Variants in PPARGC1B observed in about 807,000 individuals in gnomAD.
The protein encoded by PPARGC1B is PPARG coactivator 1 beta, also known as peroxisome proliferator-activated receptor gamma coactivator 1-beta.
Under a neutral mutation model 101.6 loss-of-function variants are expected in PPARGC1B, and 34 were observed. That is an observed-to-expected ratio of 0.33 (90% confidence interval 0.25 to 0.45). The LOEUF is 0.45. PPARGC1B is among the 20% of genes least tolerant of loss of function. The probability of loss-of-function intolerance (pLI) is 1.00; values close to 1 mark genes in which losing one functional copy is unlikely to be tolerated. For synonymous variants in PPARGC1B, 548 were observed against 539.3 expected (o/e 1.02, Z -0.22); for missense variants, 1,234 against 1,317.6 (o/e 0.94, Z 0.98).
At chr5:149,855,702 G>A (rs187874173), downstream of PPARGC1B, among the ~76,000 whole-genome samples, 35 of 152,266 alleles carry the variant, frequency 2.3e-4, no homozygotes, top group East Asian at 6.0e-3. Flanking sequence ...ATTTCCTCAC[G>A]TCTCAAAGGG....
At chr5:149,787,287 C>G (rs1240930161) in intron 1 of PPARGC1B, among the ~76,000 whole-genome samples, 1 of 152,196 alleles carries the variant, frequency 6.6e-6, no homozygotes, top group Non-Finnish European at 1.5e-5. Context: ...TTGCCCAGGA[C>G]TAGGTCATGG....
chr5:149,831,891 GT>G (rs1395173833), intron 4 of PPARGC1B, among the ~76,000 whole-genome samples: 1 of 152,238 alleles, frequency 6.6e-6, no homozygotes, highest in East Asian at 1.9e-4. Flanking sequence ...TGAATTTTTT[GT>G]TTTTTTAAAC....
intron 1 of PPARGC1B, among the ~76,000 whole-genome samples, chr5:149,791,153 A>G (rs984262125): frequency 4.7e-5 from 6 of 128,902 alleles, no homozygotes; most frequent in African/African-American, 1.8e-4. Flanking sequence ...TTACAGGTGC[A>G]TGCCTGTAAT....
In PPARGC1B at chr5:149,836,728, A is replaced by G. The variant is rs201700304; in HGVS notation, c.2273A>G (p.His758Arg). 40 of 1,613,552 alleles carry G rather than the reference A, an allele frequency of 2.5e-5. No individual in the cohort carries two copies. Among genetic ancestry groups the G allele is most frequent in the Non-Finnish European group, 3.4e-5 (40 of 1,180,020 alleles). Residue 758 changes from histidine to arginine, a missense_variant, in exon 8 of 12, where the codon CAT becomes CGT. Around this residue, in one of 3 missense-constraint regions of PPARGC1B, gnomAD observed 497 missense variants for 529.5 expected, o/e 0.94. Transcript: ENST00000309241. ...PPKDSTLLRD[H>R]EIRASLTKHF... is the part of the protein sequence containing the mutation. The stretch of plus-strand genomic sequence containing the variant: ...AAGGACAGCACGCTGCTGAGAGACC[A>G]TGAGATCCGTGCCAGCCTCACCAAA...
chr5:149,781,735 A>G (rs1756608495), intron 1 of PPARGC1B, among the ~76,000 whole-genome samples: 1 of 152,186 alleles, frequency 6.6e-6, no homozygotes, highest in Admixed American at 6.5e-5. Flanking sequence ...AAGCAGGAAA[A>G]CAAAACTTGG....
At chr5:149,847,334 C>G in intron 11 of PPARGC1B, 124 bp from the exon 12 acceptor site, 1 of 807,574 alleles carries the variant, frequency 1.2e-6, no homozygotes, top group Non-Finnish European at 2.3e-6. Context: ...TCCCAGCTCC[C>G]CAAGGCCTTG....
In PPARGC1B at chr5:149,733,395, C is replaced by T. The variant is rs539992029; in HGVS notation, c.78+2975C>T. Among the ~76,000 whole-genome samples the T allele has an allele frequency of 2.6e-5, 4 of 152,314 alleles. No homozygotes were observed. The East Asian group carries it at 5.8e-4, about 22-fold the overall frequency. The stretch of plus-strand genomic sequence containing the variant: ...CTGGCCCAGAGTACCCTCACTCACC[C>T]GTCCTGCATGGCCTTCTCCTCTACT... On this transcript the variant is annotated intron_variant, in intron 1 of 11. Coordinates refer to ENST00000309241, the MANE Select transcript of PPARGC1B (RefSeq NM_133263.4).
intron 1 of PPARGC1B, among the ~76,000 whole-genome samples, chr5:149,741,626 C>G (rs1054043961): frequency 7.2e-6 from 1 of 139,470 alleles, no homozygotes; most frequent in Non-Finnish European, 1.6e-5. Context: ...CCAAAATATT[C>G]TTTTTTTTTT....
intron 9 of PPARGC1B, among the ~76,000 whole-genome samples, chr5:149,840,327 C>T (rs1208056746): frequency 6.6e-6 from 1 of 152,148 alleles, no homozygotes; most frequent in African/African-American, 2.4e-5. Context: ...AAAGGTGGCA[C>T]CATGCAAAGT....
chr5:149,811,320 A>T (rs1316131597), intron 1 of PPARGC1B, among the ~76,000 whole-genome samples: 1 of 152,102 alleles, frequency 6.6e-6, no homozygotes, highest in Non-Finnish European at 1.5e-5. Context: ...AATTTCTCAT[A>T]ATCTTTTACC....
chr5:149,794,866 C>A (rs1186857981), intron 1 of PPARGC1B, among the ~76,000 whole-genome samples: 1 of 152,204 alleles, frequency 6.6e-6, no homozygotes, highest in Non-Finnish European at 1.5e-5. Flanking sequence ...AATGCAGGCA[C>A]CAGGGTCTTC....
At chr5:149,738,523 C>T (rs1024240437) in intron 1 of PPARGC1B, among the ~76,000 whole-genome samples, 3 of 152,108 alleles carry the variant, frequency 2.0e-5, no homozygotes, top group African/African-American at 4.8e-5. Context: ...GTCCTCTCCC[C>T]GCCACCATCC....
chr5:149,743,621 C>T (rs1001329345), intron 1 of PPARGC1B, among the ~76,000 whole-genome samples: 1 of 152,172 alleles, frequency 6.6e-6, no homozygotes, highest in African/African-American at 2.4e-5. Context: ...CGATCTTTCA[C>T]AACATTTGCC....
chr5:149,840,783 G>A (rs555322418), intron 9 of PPARGC1B, among the ~76,000 whole-genome samples: 1 of 152,318 alleles, frequency 6.6e-6, no homozygotes, highest in East Asian at 1.9e-4. Flanking sequence ...CACTAGAAAG[G>A]AAGGAGGAAA....
Position 149,832,635 on chromosome 5 carries a change from C to T in PPARGC1B, c.583-21C>T. The T allele has an allele frequency of 6.6e-7, 1 of 1,512,858 alleles. No individual in the cohort carries two copies. Among genetic ancestry groups the T allele is most frequent in the Non-Finnish European group, 8.9e-7 (1 of 1,127,770 alleles). 93.7% of individuals were successfully genotyped at this position (1,512,858 alleles called of 1,614,324 possible). A position where few individuals can be genotyped will look rare whatever the true frequency, so the allele number is the denominator to read the frequency against. ...GAGTGTTTGGGCCTCCTTCCTCACT[C>T]TGGCCTCTCTCCCTCTCTAGGCGGA... On this transcript the variant is annotated intron_variant, in intron 4 of 11. Coordinates refer to ENST00000309241, the MANE Select transcript of PPARGC1B (RefSeq NM_133263.4). This position sits in a 1 kb window ranked among gnomAD's most constrained non-coding sequence, Gnocchi z 4.9.
Position 149,833,353 on chromosome 5 carries a change from A to T in PPARGC1B, c.1280A>T (p.Gln427Leu). The change falls in exon 5 of 12, where the codon CAG becomes CTG. Residue 427 changes from glutamine (Q) to leucine (L), a missense_variant. This residue lies in a region of PPARGC1B where 734 missense variants were observed against 768.4 expected (regional missense o/e 0.96). Coordinates refer to ENST00000309241, the MANE Select transcript of PPARGC1B (RefSeq NM_133263.4). The surrounding 1 kb of genome is among the most constrained non-coding windows in gnomAD (Gnocchi z 4.1). ...KREVRRPARL[Q>L]QQEEEDEEEE... Reference sequence around the variant, plus strand: ...GAGGTCCGCCGGCCTGCCAGACTGCAGCAGCAGGAGGAGGAAGACGAGGAA... The same window carrying T: ...GAGGTCCGCCGGCCTGCCAGACTGCTGCAGCAGGAGGAGGAAGACGAGGAA... The T allele has an allele frequency of 6.2e-7, 1 of 1,613,504 alleles. No homozygotes were observed. Among genetic ancestry groups the T allele is most frequent in the Non-Finnish European group, 8.5e-7 (1 of 1,180,028 alleles).
intron 1 of PPARGC1B, among the ~76,000 whole-genome samples, chr5:149,757,002 C>T (rs1755552754): frequency 6.6e-6 from 1 of 152,164 alleles, no homozygotes; most frequent in African/African-American, 2.4e-5. Flanking sequence ...CGGTGAGCCC[C>T]ACCTCAGCAT....
At chr5:149,765,830 C>G (rs888665083) in intron 1 of PPARGC1B, among the ~76,000 whole-genome samples, 1 of 132,156 alleles carries the variant, frequency 7.6e-6, no homozygotes, top group African/African-American at 2.9e-5. Flanking sequence ...CATTGCACTT[C>G]AGCCTGGGTG....
rs529521179 is a variant in PPARGC1B at position 149,843,116 on chromosome 5, C to T, written c.2816+739C>T. 1.8e-4 allele frequency among the ~76,000 whole-genome samples: 28 copies of T among 152,080 alleles called. No individual in the cohort carries two copies. The South Asian group carries it at 5.4e-3, about 29-fold the overall frequency. ...CCAGGAGGCAGAGGTTGCAGTGAGC[C>T]GAGATGGCGCCACTGCACTCCAGCC... On this transcript the variant is annotated intron_variant, in intron 10 of 11. Coordinates refer to ENST00000309241, the MANE Select transcript of PPARGC1B (RefSeq NM_133263.4).
Sources: gnomAD v4.1 joint callset for allele counts (sites outside exome capture counted in the v4.1 genomes callset) on GRCh38, gnomAD v4.1.1 for gene constraint, gnomAD v4.1.1 regional missense constraint, Gnocchi (gnomAD v3.1) non-coding constraint, MANE v1.5 for transcripts, NCBI Gene and HGNC (gene_info 2026-07-23, HGNC 2026-07-21) for gene names.